TENM2: variants seen among roughly 807,000 people sequenced by gnomAD.
The protein encoded by TENM2 is teneurin-2.
TENM2 carries 52 observed loss-of-function variants against 245.2 expected under a neutral mutation model. The observed-to-expected ratio is 0.21, with a 90% CI of 0.17 to 0.27. TENM2 has a LOEUF of 0.27. Ranked by LOEUF, TENM2 falls within the 10% of genes least tolerant of loss-of-function variation. TENM2 has a pLI of 1.00. For synonymous variants in TENM2, 1,363 were observed against 1,438.9 expected (o/e 0.95, Z 1.19); for missense variants, 3,046 against 3,666.8 (o/e 0.83, Z 4.37).
At chr5:168,096,951 A>T (rs1562153265) in intron 8 of TENM2, among the ~76,000 whole-genome samples, 1 of 152,208 alleles carries the variant, frequency 6.6e-6, no homozygotes, top group Non-Finnish European at 1.5e-5. Context: ...CTTTGAAGGT[A>T]TTACTTGAGA....
At chr5:167,920,515 T>TCACACACACA (rs58866696) in intron 3 of TENM2, among the ~76,000 whole-genome samples, 1,712 of 129,480 alleles carry the variant, frequency 0.013, 21 homozygotes, top group East Asian at 0.016. Context: ...CGAAACTCCA[T>TCACACACACA]CACACACACA....
At chr5:168,094,392 A>T (rs114170677) in intron 8 of TENM2, among the ~76,000 whole-genome samples, 2,015 of 152,208 alleles carry the variant, frequency 0.013, 30 homozygotes, top group Non-Finnish European at 0.016. Flanking sequence ...GACCTCAAGA[A>T]TGTCAATTTC....
intron 1 of TENM2, among the ~76,000 whole-genome samples, chr5:167,371,641 G>C (rs374455738): frequency 6.6e-6 from 1 of 152,116 alleles, no homozygotes; most frequent in African/African-American, 2.4e-5. Context: ...GATTACAGGA[G>C]TGAGCCACTG....
chr5:167,364,770 T>C (rs1409787732), intron 1 of TENM2, among the ~76,000 whole-genome samples: 1 of 151,814 alleles, frequency 6.6e-6, no homozygotes, highest in Non-Finnish European at 1.5e-5. Flanking sequence ...GATATAAAAG[T>C]CTATGTGCCT....
chr5:167,076,671 G>T, the TENM2 span, among the ~76,000 whole-genome samples: 1 of 152,030 alleles, frequency 6.6e-6, no homozygotes, highest in East Asian at 1.9e-4. Flanking sequence ...TAAGATTAAC[G>T]CATTTTTCTC....
At chr5:167,842,977 C>A (rs186649060) in intron 2 of TENM2, among the ~76,000 whole-genome samples, 5 of 152,270 alleles carry the variant, frequency 3.3e-5, no homozygotes, top group African/African-American at 1.2e-4. Context: ...GATGAAATGC[C>A]TCCTACATAG....
chr5:167,095,764 CTTTCT>C, the TENM2 span, among the ~76,000 whole-genome samples: 2 of 127,762 alleles, frequency 1.6e-5, no homozygotes, highest in African/African-American at 3.2e-5. Context: ...CAAAGAAAGC[CTTTCT>C]TTTTTTTTTT....
intron 2 of TENM2, among the ~76,000 whole-genome samples, chr5:167,694,699 C>T (rs1486912333): frequency 6.6e-6 from 1 of 152,014 alleles, no homozygotes; most frequent in African/African-American, 2.4e-5. Context: ...AGAATCGGGC[C>T]CCAGCTCTTA....
At chr5:168,083,856 C>T (rs1318252746) in intron 7 of TENM2, among the ~76,000 whole-genome samples, 1 of 152,024 alleles carries the variant, frequency 6.6e-6, no homozygotes, top group Non-Finnish European at 1.5e-5. Context: ...AGGTAGTGAG[C>T]CTAGCACCCA....
chr5:167,243,075 G>A, the TENM2 span, among the ~76,000 whole-genome samples: 11 of 151,868 alleles, frequency 7.2e-5, no homozygotes, highest in African/African-American at 2.4e-4. Context: ...GATGGGTGTA[G>A]ACACAAAGGG....
chr5:167,038,647 C>G, the TENM2 span, among the ~76,000 whole-genome samples: 1,352 of 152,202 alleles, frequency 8.9e-3, 10 homozygotes, highest in Middle Eastern at 0.017. Flanking sequence ...AGAAAATAGC[C>G]ATCCCCACAA....
At chr5:168,229,728 A>G (rs1330869182) in intron 25 of TENM2, 1 of 152,206 alleles carries the variant, frequency 6.6e-6, no homozygotes, top group African/African-American at 2.4e-5. Context: ...CTGCAGAGCC[A>G]GGCCCCTCCA....
chr5:167,420,640 T>C (rs1263820506), intron 2 of TENM2, among the ~76,000 whole-genome samples: 3 of 152,206 alleles, frequency 2.0e-5, no homozygotes, highest in Non-Finnish European at 2.9e-5. Flanking sequence ...AGTTCAGATG[T>C]CACCTTCTCA....
At chr5:167,177,634 A>G in the TENM2 span, among the ~76,000 whole-genome samples, 1 of 152,208 alleles carries the variant, frequency 6.6e-6, no homozygotes, top group Admixed American at 6.5e-5. Context: ...AGAAAGTTCA[A>G]TTCGAATCAG....
At chr5:167,197,715 C>G in the TENM2 span, among the ~76,000 whole-genome samples, 1 of 152,024 alleles carries the variant, frequency 6.6e-6, no homozygotes, top group East Asian at 1.9e-4. Context: ...AAGGCAGCCT[C>G]AACCTCATCA....
At chr5:167,397,510 G>A (rs1259425031) in intron 2 of TENM2, among the ~76,000 whole-genome samples, 1 of 152,068 alleles carries the variant, frequency 6.6e-6, no homozygotes, top group Non-Finnish European at 1.5e-5. Context: ...GTATGCGTGT[G>A]TCCATGATTC....
chr5:167,496,975 A>G (rs541891398), intron 2 of TENM2, among the ~76,000 whole-genome samples: 82 of 152,190 alleles, frequency 5.4e-4, no homozygotes, highest in Admixed American at 3.5e-3. Context: ...GCATAATTAG[A>G]ATCACTAGAC....
At chr5:168,070,001 C>T (rs1405523334) in intron 7 of TENM2, among the ~76,000 whole-genome samples, 1 of 152,138 alleles carries the variant, frequency 6.6e-6, no homozygotes, top group Non-Finnish European at 1.5e-5. Context: ...AAAGAGAGAT[C>T]CTGGGAAATT....
At chr5:167,662,783 G>C (rs1755300022) in intron 2 of TENM2, among the ~76,000 whole-genome samples, 1 of 152,066 alleles carries the variant, frequency 6.6e-6, no homozygotes, top group African/African-American at 2.4e-5. Context: ...TCAAAGTGTG[G>C]TCTATGGACG....
Sources: allele counts gnomAD v4.1 joint callset (sites outside exome capture counted in the v4.1 genomes callset), GRCh38; gene constraint gnomAD v4.1.1; transcripts MANE v1.5; gene names NCBI Gene and HGNC (gene_info 2026-07-23, HGNC 2026-07-21).